ZNF385D: variants seen among roughly 807,000 people sequenced by gnomAD.
ZNF385D encodes zinc finger protein 385D.
ZNF385D carries 15 observed loss-of-function variants against 35.8 expected under a neutral mutation model. That is an observed-to-expected ratio of 0.42 (90% CI 0.28 to 0.64). The LOEUF is 0.64. Ranked by LOEUF, ZNF385D falls within the 30% of genes least tolerant of loss-of-function variation. The pLI is 0.23. For missense variants in ZNF385D, 474 were observed against 494.6 expected, an observed-to-expected ratio of 0.96 and a Z score of 0.39; for synonymous variants, 212 against 186.8, an observed-to-expected ratio of 1.13 and a Z score of -1.10.
intron 3 of ZNF385D, among the ~76,000 whole-genome samples, chr3:21,774,054 T>C (rs961293016): frequency 1.3e-5 from 2 of 151,882 alleles, no homozygotes; most frequent in African/African-American, 2.4e-5. Context: ...GTAAAGAAAA[T>C]GTGGTACATA....
rs367916615 is a variant in ZNF385D, at chr3:21,967,549, A to T, written c.325+201268T>A. On this transcript the variant is annotated intron_variant, in intron 3 of 5. Coordinates refer to the ZNF385D transcript ENST00000494108. ...AAAGGGCCAGTTCCTGGAGAGAAGG[A>T]AAGCTTATAGAGGGGAGCTAAATTT... Among the ~76,000 whole-genome samples, 6 of 152,204 alleles carry T rather than the reference A, an allele frequency of 3.9e-5. No homozygotes were observed. In the East Asian group the frequency reaches 7.7e-4, roughly 20 times the overall value.
chr3:21,618,195 G>T (rs2064903364), intron 2 of ZNF385D, among the ~76,000 whole-genome samples: 1 of 152,126 alleles, frequency 6.6e-6, no homozygotes, highest in East Asian at 1.9e-4. Context: ...GATTACCTTG[G>T]ATTATCCTGG....
At chr3:22,277,830 G>A (rs1025796419) in intron 2 of ZNF385D, among the ~76,000 whole-genome samples, 2 of 152,066 alleles carry the variant, frequency 1.3e-5, no homozygotes, top group Middle Eastern at 3.2e-3. Flanking sequence ...ATTACATGAT[G>A]AAAGAGCGAG....
At chr3:22,154,036 C>A (rs1705430090) in intron 3 of ZNF385D, among the ~76,000 whole-genome samples, 1 of 152,058 alleles carries the variant, frequency 6.6e-6, no homozygotes, top group Admixed American at 6.6e-5. Context: ...ATTTCATTTT[C>A]TTGTATCCCA....
At chr3:22,338,215 T>C (rs1221595080) in intron 2 of ZNF385D, among the ~76,000 whole-genome samples, 1 of 152,256 alleles carries the variant, frequency 6.6e-6, no homozygotes, top group Non-Finnish European at 1.5e-5. Context: ...GTTTTCCTTA[T>C]ACTTCGGTGC....
At chr3:21,884,361 G>A (rs1478062966) in intron 3 of ZNF385D, among the ~76,000 whole-genome samples, 1 of 151,904 alleles carries the variant, frequency 6.6e-6, no homozygotes, top group African/African-American at 2.4e-5. Flanking sequence ...ATTGTTATCT[G>A]AGTGCTTCTC....
chr3:21,421,469 G>GT, intron 7 of ZNF385D, 22 bp from the exon 8 acceptor site: 1 of 1,570,150 alleles, frequency 6.4e-7, no homozygotes. Flanking sequence ...AAAAAATATT[G>GT]TAAAAAAAAC....
At chr3:21,538,782 C>CT (rs1251312769) in intron 3 of ZNF385D, among the ~76,000 whole-genome samples, 2 of 152,098 alleles carry the variant, frequency 1.3e-5, no homozygotes, top group Non-Finnish European at 2.9e-5. Context: ...GGAAACTCTT[C>CT]TTTAAGTTAT....
chr3:21,594,222 TCA>T (rs2064065337), intron 2 of ZNF385D, among the ~76,000 whole-genome samples: 1 of 152,158 alleles, frequency 6.6e-6, no homozygotes, highest in South Asian at 2.1e-4. Flanking sequence ...CCAAGATCAT[TCA>T]CACTTATTTT....
chr3:22,174,130 A>G (rs999944555), intron 2 of ZNF385D, among the ~76,000 whole-genome samples: 9 of 151,594 alleles, frequency 5.9e-5, no homozygotes, highest in Admixed American at 5.9e-4. Flanking sequence ...CCCTATTGCA[A>G]CTCCCACAAT....
chr3:22,142,936 T>C (rs747071242), intron 3 of ZNF385D, among the ~76,000 whole-genome samples: 28 of 152,110 alleles, frequency 1.8e-4, no homozygotes, highest in Admixed American at 6.5e-5. Flanking sequence ...TACTGCACTA[T>C]TACTTGTAGT....
At chr3:22,195,717 A>G (rs760516496) in intron 2 of ZNF385D, among the ~76,000 whole-genome samples, 2 of 151,950 alleles carry the variant, frequency 1.3e-5, no homozygotes, top group Admixed American at 6.6e-5. Flanking sequence ...TTATTTTTTA[A>G]TGTTTGTTTG....
At chr3:21,743,274 T>C (rs979480586) in intron 1 of ZNF385D, among the ~76,000 whole-genome samples, 1 of 152,218 alleles carries the variant, frequency 6.6e-6, no homozygotes, top group Non-Finnish European at 1.5e-5. Context: ...TTGGACTTTT[T>C]TTATAAGCAT....
At chr3:21,437,707 A>AAAAAAAAAC (rs10662070) in intron 4 of ZNF385D, among the ~76,000 whole-genome samples, 16,243 of 138,018 alleles carry the variant, frequency 0.12, 2,051 homozygotes, top group East Asian at 0.28. Flanking sequence ...TATACAAAAA[A>AAAAAAAAAC]AAAAAAAAAA....
At chr3:22,145,293 A>G (rs1177652975) in intron 3 of ZNF385D, among the ~76,000 whole-genome samples, 4 of 152,204 alleles carry the variant, frequency 2.6e-5, no homozygotes, top group Non-Finnish European at 5.9e-5. Flanking sequence ...TTTTGCATCA[A>G]CTTAATACAA....
At chr3:21,810,951 C>T (rs887865950) in intron 3 of ZNF385D, among the ~76,000 whole-genome samples, 1 of 143,202 alleles carries the variant, frequency 7.0e-6, no homozygotes, top group Non-Finnish European at 1.5e-5. Context: ...ATCACACACA[C>T]ACACATATGT....
intron 2 of ZNF385D, among the ~76,000 whole-genome samples, chr3:22,183,287 G>C (rs1382266049): frequency 6.6e-6 from 1 of 152,058 alleles, no homozygotes; most frequent in East Asian, 1.9e-4. Flanking sequence ...TATCTTAAAG[G>C]TAACAGTATG....
chr3:22,270,481 G>C (rs1257622331), intron 2 of ZNF385D, among the ~76,000 whole-genome samples: 1 of 151,882 alleles, frequency 6.6e-6, no homozygotes, highest in Non-Finnish European at 1.5e-5. Context: ...TTCCATGTGA[G>C]CTTACTCCCT....
rs535548878 is a variant in ZNF385D, at chr3:21,491,955, A to T, written c.439+18906T>A. Among the ~76,000 whole-genome samples, 106 of 152,266 alleles carry T rather than the reference A, an allele frequency of 7.0e-4. 2 individuals are homozygous for T. The highest frequency in any genetic ancestry group is 2.3e-3 in the African/African-American group (94 of 41,572). On this transcript the variant is annotated intron_variant, in intron 4 of 7. Coordinates refer to ENST00000281523, the MANE Select transcript of ZNF385D (RefSeq NM_024697.3). ...AAGCTACACACACACAGACACACAT[A>T]CACACACATTTAGATAAAGCTTTCA...
Sources: allele counts gnomAD v4.1 joint callset (sites outside exome capture counted in the v4.1 genomes callset), GRCh38; gene constraint gnomAD v4.1.1; transcripts MANE v1.5; gene names NCBI Gene and HGNC (gene_info 2026-07-23, HGNC 2026-07-21).